Variants in USH2A observed in about 807,000 individuals in gnomAD.
The protein encoded by USH2A is Usher syndrome 2A (autosomal recessive, mild).
A neutral mutation model predicts 538.9 loss-of-function variants in USH2A; 443 were observed. The ratio of observed to expected loss-of-function variants is 0.82; its 90% confidence interval spans 0.76 to 0.89. The LOEUF (loss-of-function observed/expected upper bound fraction) is 0.89, where lower values mean the gene tolerates loss of function less well. Ranked by LOEUF, USH2A falls within the 40% of genes least tolerant of loss-of-function variation. USH2A has a pLI of 0.00. For synonymous variants in USH2A, 2,413 were observed against 2,273.5 expected (o/e 1.06, Z -1.75); for missense variants, 6,633 against 6,324.8 (o/e 1.05, Z -1.65).
Position 215,852,579 on chromosome 1 carries a change from C to A in USH2A, c.8846-6546G>T, listed in dbSNP as rs529101699. ...AGCATTAACTGAAAAGTCCACAGAC[C>A]AAAGTCTCATCTGAGACAAGGCAAG... On this transcript the variant is annotated intron_variant, in intron 44 of 71. Coordinates refer to ENST00000307340, the MANE Select transcript of USH2A (RefSeq NM_206933.4). 2.6e-5 allele frequency among the ~76,000 whole-genome samples: 4 copies of A among 152,208 alleles called. No homozygotes were observed. In the South Asian group the frequency reaches 8.3e-4, roughly 32 times the overall value.
chr1:215,781,383 T>A (rs529402082), intron 54 of USH2A, among the ~76,000 whole-genome samples: 1 of 152,218 alleles, frequency 6.6e-6, no homozygotes, highest in African/African-American at 2.4e-5. Context: ...TTCTCTTTTT[T>A]AAAAATTTGC....
chr1:216,297,648 A>G (rs908406797), intron 9 of USH2A, among the ~76,000 whole-genome samples: 2 of 152,170 alleles, frequency 1.3e-5, no homozygotes, highest in African/African-American at 4.8e-5. Flanking sequence ...TATATAGTCT[A>G]TAACCATTAA....
intron 11 of USH2A, among the ~76,000 whole-genome samples, chr1:216,268,882 TATGGTACTCTC>T (rs2036524910): frequency 1.3e-5 from 2 of 152,238 alleles, no homozygotes; most frequent in South Asian, 4.1e-4. Context: ...CTTTCCTTAA[TATGGTACTCTC>T]AAGGCATTTT....
At chr1:215,644,353 C>T (rs946166683) in intron 67 of USH2A, among the ~76,000 whole-genome samples, 3 of 152,116 alleles carry the variant, frequency 2.0e-5, no homozygotes, top group Admixed American at 6.6e-5. Context: ...GGGGTATACA[C>T]TTCAAAACAG....
intron 9 of USH2A, among the ~76,000 whole-genome samples, chr1:216,293,275 C>T (rs894261829): frequency 1.3e-5 from 2 of 152,160 alleles, no homozygotes; most frequent in South Asian, 2.1e-4. Context: ...CTGCCCACCT[C>T]GGCCGCCCAA....
intron 9 of USH2A, among the ~76,000 whole-genome samples, chr1:216,318,445 TTGAA>T (rs978706811): frequency 6.6e-6 from 1 of 152,192 alleles, no homozygotes; most frequent in Non-Finnish European, 1.5e-5. Flanking sequence ...TTAAAATACT[TTGAA>T]TGGTAACAAA....
chr1:216,073,635 T>C (rs1295311089), intron 27 of USH2A, among the ~76,000 whole-genome samples: 1 of 152,218 alleles, frequency 6.6e-6, no homozygotes, highest in Non-Finnish European at 1.5e-5. Context: ...CTTCATATTA[T>C]GGTAGGGGGA....
At chr1:216,310,093 T>C (rs992240262) in intron 9 of USH2A, among the ~76,000 whole-genome samples, 1 of 152,156 alleles carries the variant, frequency 6.6e-6, no homozygotes, top group Non-Finnish European at 1.5e-5. Context: ...CAATTCATTC[T>C]AACAATCTCT....
chr1:216,092,766 G>A (rs996270594), intron 22 of USH2A, among the ~76,000 whole-genome samples: 4 of 152,128 alleles, frequency 2.6e-5, no homozygotes, highest in African/African-American at 9.7e-5. Flanking sequence ...AGCACATAGT[G>A]TAATGCATCT....
intron 11 of USH2A, among the ~76,000 whole-genome samples, chr1:216,259,085 G>C (rs1195338704): frequency 6.6e-6 from 1 of 152,046 alleles, no homozygotes; most frequent in African/African-American, 2.4e-5. Context: ...TCCTTCAACT[G>C]TTCCTGTTAA....
In USH2A at chr1:215,806,042, T is replaced by C. The variant is rs527407876; in HGVS notation, c.9740-6917A>G. Among the ~76,000 whole-genome samples the C allele has an allele frequency of 1.0e-4, 15 of 144,020 alleles. No individual in the cohort carries two copies. In the East Asian group the frequency reaches 3.0e-3, roughly 29 times the overall value. 94.5% of individuals were successfully genotyped at this position (144,020 alleles called of 152,430 possible). A position where few individuals can be genotyped will look rare whatever the true frequency, so the allele number is the denominator to read the frequency against. ...AACAGCACCTCTCTGTGAAAGTAGC[T>C]GCTCTCATCTATCCATAACTGCCCT... On this transcript the variant is annotated intron_variant, in intron 49 of 71. Transcript: ENST00000307340.
chr1:216,359,084 T>G (rs2102701009), intron 4 of USH2A, among the ~76,000 whole-genome samples: 1 of 152,280 alleles, frequency 6.6e-6, no homozygotes, highest in Non-Finnish European at 1.5e-5. Flanking sequence ...GAGTATTTTA[T>G]AAGATTATGC....
intron 4 of USH2A, among the ~76,000 whole-genome samples, chr1:216,346,041 T>C (rs2038169553): frequency 6.6e-6 from 1 of 152,214 alleles, no homozygotes; most frequent in Non-Finnish European, 1.5e-5. Context: ...GCTTAGGGAA[T>C]GAGTCCTTTC....
chr1:215,673,260 A>C (rs575331074), intron 63 of USH2A, among the ~76,000 whole-genome samples: 57 of 152,192 alleles, frequency 3.7e-4, no homozygotes, highest in Non-Finnish European at 5.1e-4. Flanking sequence ...TTATAGGAGG[A>C]TCTAATCTAC....
At position 215,847,600 on chromosome 1, in the gene USH2A, G is replaced by A. The variant is rs112637426; in HGVS notation, c.8846-1567C>T. On this transcript the variant is annotated intron_variant, in intron 44 of 71. Transcript: ENST00000307340. ...GCAGAGGTTGTGGTGAGCTGAGATC[G>A]TGCCACTGTACTCCAGGCTGGACAA... Among the ~76,000 whole-genome samples, 590 of 151,526 alleles carry A rather than the reference G, an allele frequency of 3.9e-3. 4 individuals are homozygous for A. The highest frequency in any genetic ancestry group is 0.013 in the African/African-American group (544 of 41,262).
intron 61 of USH2A, among the ~76,000 whole-genome samples, chr1:215,716,705 G>A (rs990930807): frequency 6.6e-6 from 1 of 152,184 alleles, no homozygotes; most frequent in Non-Finnish European, 1.5e-5. Context: ...ATTTTGTAAT[G>A]TGAATATTTA....
intron 10 of USH2A, among the ~76,000 whole-genome samples, chr1:216,291,173 C>T (rs1240184369): frequency 6.6e-6 from 1 of 152,020 alleles, no homozygotes; most frequent in African/African-American, 2.4e-5. Flanking sequence ...AAGGCTTTAT[C>T]ATGGCTCCAG....
At chr1:215,672,119 C>T (rs1227470082) in intron 63 of USH2A, among the ~76,000 whole-genome samples, 3 of 152,152 alleles carry the variant, frequency 2.0e-5, no homozygotes, top group Admixed American at 6.5e-5. Flanking sequence ...AGGGACTTCT[C>T]CTTTCCAACA....
intron 43 of USH2A, 72 bp from the exon 44 acceptor site, chr1:215,867,242 T>C: frequency 6.6e-7 from 1 of 1,515,402 alleles, no homozygotes; most frequent in Non-Finnish European, 9.0e-7. Context: ...TAATTTCTTT[T>C]TTTCTTCACA....
Sources: gnomAD v4.1 joint callset for allele counts (sites outside exome capture counted in the v4.1 genomes callset) on GRCh38, gnomAD v4.1.1 for gene constraint, MANE v1.5 for transcripts, NCBI Gene and HGNC (gene_info 2026-07-23, HGNC 2026-07-21) for gene names.